Variants in AKAP6 observed in about 807,000 individuals in gnomAD.
AKAP6 encodes A-kinase anchor protein 6.
Under a neutral mutation model 188.5 loss-of-function variants are expected in AKAP6, and 58 were observed. The observed-to-expected ratio is 0.31, with a 90% CI of 0.25 to 0.38. The LOEUF (loss-of-function observed/expected upper bound fraction) is 0.38, where lower values mean the gene tolerates loss of function less well. AKAP6 is among the 10% of genes least tolerant of loss of function. AKAP6 has a pLI of 1.00. For missense variants in AKAP6, 2,710 were observed against 2,740.0 expected (o/e 0.99, Z 0.24); for synonymous variants, 989 against 998.6 (o/e 0.99, Z 0.18).
chr14:32,381,118 C>T (rs1443525682), intron 1 of AKAP6, among the ~76,000 whole-genome samples: 1 of 152,082 alleles, frequency 6.6e-6, no homozygotes, highest in African/African-American at 2.4e-5. Context: ...GGGCAGATCA[C>T]TTGAGGCCAA....
rs750925039 is a variant in AKAP6, at chr14:32,678,353, G to A, written c.2773G>A (p.Val925Ile). 2.5e-6 allele frequency: 4 copies of A among 1,613,728 alleles called. No homozygotes were observed. The change falls in exon 8 of 14, where the codon GTT becomes ATT. Residue 925 changes from valine (V) to isoleucine (I), a missense_variant. Coordinates refer to ENST00000280979, the MANE Select transcript of AKAP6 (RefSeq NM_004274.5). ...LCYLEAQRDA[V>I]EQMSLKLYSE... ...CTACCTGGAAGCACAAAGAGATGCT[G>A]TTGAGCAGATGTCCCTCAAGCTGTA...
At chr14:32,445,621 C>T (rs903353647) in intron 2 of AKAP6, among the ~76,000 whole-genome samples, 4 of 152,086 alleles carry the variant, frequency 2.6e-5, no homozygotes, top group South Asian at 4.2e-4. Flanking sequence ...AAGTGATCTG[C>T]CTGCTTTGGC....
At chr14:32,475,523 A>C (rs1201651049) in intron 2 of AKAP6, among the ~76,000 whole-genome samples, 1 of 152,180 alleles carries the variant, frequency 6.6e-6, no homozygotes, top group African/African-American at 2.4e-5. Flanking sequence ...TGCAGAGCAA[A>C]GCTTCCAAAA....
At chr14:32,612,548 A>AT (rs892542976) in intron 7 of AKAP6, among the ~76,000 whole-genome samples, 18 of 151,782 alleles carry the variant, frequency 1.2e-4, no homozygotes, top group South Asian at 4.2e-4. Flanking sequence ...GCCACTTGTT[A>AT]TTTTTTTTGT....
intron 11 of AKAP6, among the ~76,000 whole-genome samples, chr14:32,746,595 G>T (rs2031920741): frequency 6.6e-6 from 1 of 152,142 alleles, no homozygotes; most frequent in Non-Finnish European, 1.5e-5. Context: ...TTGTCAAGAG[G>T]TACAAGGGGA....
intron 12 of AKAP6, among the ~76,000 whole-genome samples, chr14:32,778,609 C>G (rs912185141): frequency 6.6e-6 from 1 of 151,910 alleles, no homozygotes; most frequent in South Asian, 2.1e-4. Flanking sequence ...TGCTATGGCA[C>G]AATCATGGCT....
chr14:32,473,880 G>C (rs998838847), intron 2 of AKAP6: 3 of 152,406 alleles, frequency 2.0e-5, no homozygotes, highest in African/African-American at 7.2e-5. Context: ...TTCTCAATGT[G>C]AGCATCACTG....
At chr14:32,446,770 G>T (rs1033740015) in intron 2 of AKAP6, among the ~76,000 whole-genome samples, 21 of 152,040 alleles carry the variant, frequency 1.4e-4, no homozygotes, top group Middle Eastern at 3.2e-3. Flanking sequence ...CCATGAATGT[G>T]TTGCAGGTTT....
intron 2 of AKAP6, among the ~76,000 whole-genome samples, chr14:32,466,845 A>ATATATATATATATATATATATATATATT (rs1555331130): frequency 6.9e-6 from 1 of 144,222 alleles, no homozygotes; most frequent in East Asian, 2.0e-4. Flanking sequence ...ATATATATAT[A>ATATATATATATATATATATATATATATT]TTTTCTTTCT....
intron 7 of AKAP6, among the ~76,000 whole-genome samples, chr14:32,654,937 A>C (rs1385727900): frequency 6.6e-6 from 1 of 152,140 alleles, no homozygotes; most frequent in Non-Finnish European, 1.5e-5. Flanking sequence ...GACTTCTATA[A>C]AGTCACAAAA....
chr14:32,656,889 T>C (rs1041785687), intron 7 of AKAP6, among the ~76,000 whole-genome samples: 8 of 152,190 alleles, frequency 5.3e-5, no homozygotes, highest in African/African-American at 1.9e-4. Context: ...TGCTTCTCTC[T>C]GTTTATCCTG....
chr14:32,653,640 T>C (rs1383001402), intron 7 of AKAP6, among the ~76,000 whole-genome samples: 1 of 135,704 alleles, frequency 7.4e-6, no homozygotes, highest in Non-Finnish European at 1.6e-5. Flanking sequence ...TCTTAAGTAT[T>C]TATAGCAATG....
In AKAP6 at chr14:32,545,779, T is replaced by C. The variant is rs775890570; in HGVS notation, c.1126T>C (p.Cys376Arg). The C allele has an allele frequency of 1.9e-6, 3 of 1,614,100 alleles. No homozygotes were observed. In the Admixed American group the frequency reaches 5.0e-5, roughly 27 times the overall value. Residue 376 changes from cysteine to arginine, a missense_variant, in exon 4 of 14, where the codon TGC (cysteine) becomes CGC (arginine). Cys to Arg is a radical substitution (Grantham distance 180). This residue lies in a region of AKAP6 where 2,473 missense variants were observed against 2,426.1 expected (regional missense o/e 1.02). Coordinates refer to ENST00000280979, the MANE Select transcript of AKAP6 (RefSeq NM_004274.5). ...AACCCCCAAACGAACCATCAGAGAT[T>C]GCTTTAATTATAACGAGGACTCTCC... ...NATPKRTIRDCFNYNEDSPTQ... is the reference protein window; with the variant it reads ...NATPKRTIRDRFNYNEDSPTQ...
At chr14:32,541,610 C>T (rs968679189) in intron 3 of AKAP6, among the ~76,000 whole-genome samples, 1 of 151,956 alleles carries the variant, frequency 6.6e-6, no homozygotes, top group Admixed American at 6.6e-5. Flanking sequence ...GGTGCAGTAA[C>T]CATGATAAAT....
intron 7 of AKAP6, among the ~76,000 whole-genome samples, chr14:32,657,047 G>A (rs185750791): frequency 3.3e-5 from 5 of 152,228 alleles, no homozygotes; most frequent in Admixed American, 1.3e-4. Context: ...ACAAATTCAC[G>A]TAAACAGAAC....
chr14:32,567,535 T>G (rs1187260946), intron 4 of AKAP6, among the ~76,000 whole-genome samples: 2 of 152,216 alleles, frequency 1.3e-5, no homozygotes, highest in African/African-American at 2.4e-5. Flanking sequence ...AATTCCAATT[T>G]TTTTTCTAAA....
intron 1 of AKAP6, among the ~76,000 whole-genome samples, chr14:32,349,965 T>C (rs78798357): frequency 6.6e-6 from 1 of 152,250 alleles, no homozygotes; most frequent in African/African-American, 2.4e-5. Flanking sequence ...TAATGTAGTA[T>C]TGAGTTAAAA....
intron 12 of AKAP6, among the ~76,000 whole-genome samples, chr14:32,795,854 G>T (rs2033753458): frequency 6.6e-6 from 1 of 152,154 alleles, no homozygotes; most frequent in African/African-American, 2.4e-5. Flanking sequence ...ATCTTTGTTT[G>T]CAGATGACAT....
intron 10 of AKAP6, chr14:32,733,841 G>T (rs1220214104): frequency 6.6e-6 from 1 of 152,060 alleles, no homozygotes; most frequent in Admixed American, 6.6e-5. Flanking sequence ...CATTTTAAAA[G>T]GTTGTTTACT....
Sources: allele counts gnomAD v4.1 joint callset (sites outside exome capture counted in the v4.1 genomes callset), GRCh38; gene constraint gnomAD v4.1.1; regional missense constraint gnomAD v4.1.1; transcripts MANE v1.5; gene names NCBI Gene and HGNC (gene_info 2026-07-23, HGNC 2026-07-21).